ADGRB3: variants seen among roughly 807,000 people sequenced by gnomAD.
The protein encoded by ADGRB3 is brain-specific angiogenesis inhibitor 3.
A neutral mutation model predicts 193.4 loss-of-function variants in ADGRB3; 37 were observed. The ratio of observed to expected loss-of-function variants is 0.19; its 90% CI spans 0.15 to 0.25. The LOEUF is 0.25. ADGRB3 is among the 10% of genes least tolerant of loss of function. The pLI, the probability that ADGRB3 is intolerant of heterozygous loss-of-function variation, is 1.00. For synonymous variants in ADGRB3, 690 were observed against 644.2 expected (o/e 1.07, Z -1.08); for missense variants, 1,637 against 1,852.9 (o/e 0.88, Z 2.14).
chr6:69,087,225 T>C (rs997191077), intron 17 of ADGRB3, among the ~76,000 whole-genome samples: 10 of 152,188 alleles, frequency 6.6e-5, no homozygotes, highest in Admixed American at 5.2e-4. Flanking sequence ...GACCCGGTAG[T>C]TGAGATTTAA....
At chr6:69,378,834 T>TGCTTTCCAGCC (rs1395448181) in intron 30 of ADGRB3, among the ~76,000 whole-genome samples, 6 of 152,046 alleles carry the variant, frequency 3.9e-5, no homozygotes, top group Non-Finnish European at 4.4e-5. Flanking sequence ...ACTCCAGACA[T>TGCTTTCCAGCC]ACAGGTGGCT....
chr6:69,253,763 TTCCAAAG>T (rs1476602770), intron 20 of ADGRB3, among the ~76,000 whole-genome samples: 1 of 152,134 alleles, frequency 6.6e-6, no homozygotes, highest in African/African-American at 2.4e-5. Flanking sequence ...AGTATTTTCC[TTCCAAAG>T]TACTATATAT....
intron 3 of ADGRB3, among the ~76,000 whole-genome samples, chr6:68,673,924 A>G (rs1769022134): frequency 6.6e-6 from 1 of 152,154 alleles, no homozygotes; most frequent in South Asian, 2.1e-4. Flanking sequence ...CCTTTGAGTG[A>G]GAACAATTAC....
chr6:68,778,821 AAGGCACTTC>A (rs1766799077), intron 3 of ADGRB3, among the ~76,000 whole-genome samples: 2 of 152,076 alleles, frequency 1.3e-5, no homozygotes, highest in African/African-American at 2.4e-5. Context: ...TGGAGCACAG[AAGGCACTTC>A]TGGTTTGGAC....
intron 20 of ADGRB3, among the ~76,000 whole-genome samples, chr6:69,299,041 T>C (rs1362095465): frequency 1.3e-5 from 2 of 151,916 alleles, no homozygotes; most frequent in Non-Finnish European, 2.9e-5. Flanking sequence ...TCACCAGCAT[T>C]CATTATTGCC....
rs1159483544 is a variant in ADGRB3 at position 69,238,820 on chromosome 6, T to TA, written c.2712-296dup. Among the ~76,000 whole-genome samples, 8 of 151,522 alleles carry TA rather than the reference T, an allele frequency of 5.3e-5. 1 individual carries two copies. The highest frequency in any genetic ancestry group is 2.0e-4 in the Admixed American group (3 of 15,176). On this transcript the variant is annotated intron_variant, in intron 19 of 31. Coordinates refer to ENST00000370598, the MANE Select transcript of ADGRB3 (RefSeq NM_001704.3). ...TTCCAAGAAGCTTTATATGTTTAGT[T>TA]AAAAAAAAGTGTATCATGACAACAG...
intron 17 of ADGRB3, among the ~76,000 whole-genome samples, chr6:69,153,234 G>A (rs968902398): frequency 3.9e-5 from 6 of 152,128 alleles, no homozygotes; most frequent in Admixed American, 6.5e-5. Context: ...CAGAAAAAAA[G>A]AGAACTATAA....
At chr6:68,833,286 G>T (rs1037162980) in intron 3 of ADGRB3, among the ~76,000 whole-genome samples, 6 of 151,646 alleles carry the variant, frequency 4.0e-5, no homozygotes, top group African/African-American at 1.5e-4. Flanking sequence ...TTATTAAAAA[G>T]AATCTTAATG....
rs532291302 is a variant in ADGRB3, at chr6:69,388,697, C to T, written c.4381-6C>T. The T allele has an allele frequency of 8.7e-6, 14 of 1,610,552 alleles. No homozygotes were observed. In the South Asian group the frequency reaches 1.4e-4, roughly 17 times the overall value. On this transcript the variant is annotated splice_polypyrimidine_tract_variant and splice_region_variant and intron_variant, in intron 31 of 31. Transcript: ENST00000370598. ...AAATGACTCTCTTTCCCTCTCTTCT[C>T]AACAGGAAAACCCCGCACCAAACAA...
chr6:69,093,466 A>G (rs1458063466), intron 17 of ADGRB3, among the ~76,000 whole-genome samples: 1 of 151,260 alleles, frequency 6.6e-6, no homozygotes, highest in African/African-American at 2.4e-5. Flanking sequence ...GCCTAGGTTC[A>G]AGGGATAGGG....
At chr6:68,837,473 AT>A (rs1205775242) in intron 3 of ADGRB3, among the ~76,000 whole-genome samples, 3 of 152,218 alleles carry the variant, frequency 2.0e-5, no homozygotes, top group Non-Finnish European at 4.4e-5. Context: ...ATATGGAAAA[AT>A]TCATTTGCCA....
At position 68,967,617 on chromosome 6, in the gene ADGRB3, G is replaced by A. The variant is rs1025494927; in HGVS notation, c.1526-7146G>A. On this transcript the variant is annotated intron_variant, in intron 8 of 31. Transcript: ENST00000370598. The stretch of plus-strand genomic sequence containing the variant: ...GGATCCACCCCCCACCTCCACCCCC[G>A]CCCCACACACAACGTCTACAGTATT... Among the ~76,000 whole-genome samples the A allele has an allele frequency of 4.4e-5, 6 of 135,280 alleles. No individual in the cohort carries two copies. The South Asian group carries it at 7.4e-4, about 17-fold the overall frequency. The allele number at this position is 135,280 out of a possible 152,430, so 88.7% of individuals were successfully genotyped here. A position where few individuals can be genotyped will look rare whatever the true frequency, so the allele number is the denominator to read the frequency against.
intron 15 of ADGRB3, among the ~76,000 whole-genome samples, chr6:69,055,161 AC>A (rs1771507798): frequency 6.6e-6 from 1 of 152,218 alleles, no homozygotes; most frequent in Non-Finnish European, 1.5e-5. Context: ...TGTTAAAAAA[AC>A]ATAAAATTTA....
At chr6:68,639,850 C>A (rs1394673518) in intron 3 of ADGRB3, among the ~76,000 whole-genome samples, 3 of 152,180 alleles carry the variant, frequency 2.0e-5, no homozygotes, top group Non-Finnish European at 4.4e-5. Context: ...TTTACTTCCT[C>A]TCTCCTATCC....
At chr6:69,379,864 A>G (rs141633720) in intron 30 of ADGRB3, among the ~76,000 whole-genome samples, 20 of 152,144 alleles carry the variant, frequency 1.3e-4, no homozygotes, top group African/African-American at 4.6e-4. Context: ...CAAGGGCCCC[A>G]TATTTCAGCA....
intron 3 of ADGRB3, among the ~76,000 whole-genome samples, chr6:68,830,989 G>T (rs991890213): frequency 6.6e-6 from 1 of 151,024 alleles, no homozygotes; most frequent in Non-Finnish European, 1.5e-5. Context: ...AAAACAAATG[G>T]GTATAACGTG....
At chr6:69,083,527 A>G (rs1171280428) in intron 17 of ADGRB3, among the ~76,000 whole-genome samples, 1 of 152,158 alleles carries the variant, frequency 6.6e-6, no homozygotes, top group Non-Finnish European at 1.5e-5. Flanking sequence ...TGAGAAGGAT[A>G]TAAACATGAT....
chr6:68,841,119 TA>T (rs1465212254), intron 3 of ADGRB3, among the ~76,000 whole-genome samples: 6 of 151,082 alleles, frequency 4.0e-5, no homozygotes, highest in African/African-American at 1.5e-4. Flanking sequence ...TTATTAGAAC[TA>T]AAGGGAGATA....
At chr6:68,690,876 A>G (rs1765061233) in intron 3 of ADGRB3, among the ~76,000 whole-genome samples, 1 of 152,086 alleles carries the variant, frequency 6.6e-6, no homozygotes, top group Non-Finnish European at 1.5e-5. Flanking sequence ...TTTCGTAGAG[A>G]ACACATTTTG....
Sources: allele counts gnomAD v4.1 joint callset (sites outside exome capture counted in the v4.1 genomes callset), GRCh38; gene constraint gnomAD v4.1.1; transcripts MANE v1.5; gene names NCBI Gene and HGNC (gene_info 2026-07-23, HGNC 2026-07-21).